The following SF3B3 variants were observed in gnomAD, a reference collection of about 807,000 sequenced individuals.
SF3B3 encodes the protein splicing factor 3b subunit 3.
Under a neutral mutation model 139.2 loss-of-function variants are expected in SF3B3, and 33 were observed. That is an observed-to-expected ratio of 0.24 (90% CI 0.18 to 0.32). The LOEUF (loss-of-function observed/expected upper bound fraction) is 0.32, where lower values mean the gene tolerates loss of function less well. Among genes scored for constraint, SF3B3 ranks in the 10% least tolerant of loss-of-function variants. SF3B3 has a pLI of 1.00. For synonymous variants in SF3B3, 596 were observed against 563.6 expected (o/e 1.06, Z -0.81); for missense variants, 818 against 1,509.4 (o/e 0.54, Z 7.59).
chr16:70,559,767 CCT>C (rs1491469849), intron 15 of SF3B3, among the ~76,000 whole-genome samples: 3 of 149,642 alleles, frequency 2.0e-5, no homozygotes, highest in East Asian at 2.0e-4. Flanking sequence ...GCTGAAAACT[CCT>C]TTTTTTTTTT....
chr16:70,544,778 C>T (rs1395804162), intron 10 of SF3B3, among the ~76,000 whole-genome samples: 1 of 152,160 alleles, frequency 6.6e-6, no homozygotes, highest in African/African-American at 2.4e-5. Context: ...GCAGCCTTGA[C>T]CTCTTGAGCT....
chr16:70,556,945 C>G lies in SF3B3; in HGVS notation c.1926C>G (p.Ile642Met), dbSNP rs146335844. The G allele has an allele frequency of 2.5e-6, 4 of 1,613,926 alleles. No individual in the cohort carries two copies. Among genetic ancestry groups the G allele is most frequent in the Non-Finnish European group, 3.4e-6 (4 of 1,179,994 alleles). The change falls in exon 15 of 26, where the codon ATC becomes ATG. Residue 642 changes from isoleucine to methionine, a missense_variant. By Grantham distance (10) the Ile-to-Met change is conservative (BLOSUM62 1). Transcript: ENST00000302516. ...CAGCCCAGCCTGAGTCCTTGTGTAT[C>G]GTGGAAATGGGTGGGACTGAGAAGC... ...ALPAQPESLC[I>M]VEMGGTEKQD...
At chr16:70,533,549 C>A (rs1039568157) in intron 5 of SF3B3, among the ~76,000 whole-genome samples, 1 of 152,006 alleles carries the variant, frequency 6.6e-6, no homozygotes, top group Non-Finnish European at 1.5e-5. Context: ...AGCTAAGTAA[C>A]GTTTTTGGAG....
Position 70,543,415 on chromosome 16 carries a change from G to GA in SF3B3, c.1234-1013dup, listed in dbSNP as rs1177572581. ...ACGAGCGAAACCCCGTCTCAAAAAA[G>GA]AAAAAAAAAAGGCCGGTCACGATGG... On this transcript the variant is annotated intron_variant, in intron 9 of 25. Transcript: ENST00000302516. Among the ~76,000 whole-genome samples the GA allele has an allele frequency of 1.2e-4, 13 of 104,750 alleles. No individual in the cohort carries two copies. The South Asian group carries it at 2.9e-3, about 24-fold the overall frequency. The allele number at this position is 104,750 out of a possible 152,430, so 68.7% of individuals were successfully genotyped here.
chr16:70,535,435 A>G lies in SF3B3; in HGVS notation c.825+15A>G. Reference sequence around the variant, plus strand: ...CCAGGAGGCGGGTAAGATCTTTGATATAAGAAGAGAGAGATTTGTGTTTAA... The same window carrying G: ...CCAGGAGGCGGGTAAGATCTTTGATGTAAGAAGAGAGAGATTTGTGTTTAA... On this transcript the variant is annotated intron_variant, in intron 6 of 25. Transcript: ENST00000302516. 2.2e-6 allele frequency: 3 copies of G among 1,388,334 alleles called. No homozygotes were observed. Among genetic ancestry groups the G allele is most frequent in the South Asian group, 2.4e-5 (2 of 84,208 alleles). 86.0% of individuals were successfully genotyped at this position (1,388,334 alleles called of 1,614,324 possible).
At chr16:70,569,974 C>T (rs886479857) in intron 23 of SF3B3, 32 bp from the exon 24 acceptor site, 1 of 1,613,074 alleles carries the variant, frequency 6.2e-7, no homozygotes, top group Non-Finnish European at 8.5e-7. Flanking sequence ...CCTGAGGGTG[C>T]ACACAGTCAC....
At chr16:70,563,610 A>G (rs1038074729) in intron 17 of SF3B3, 3 of 366,330 alleles carry the variant, frequency 8.2e-6, no homozygotes, top group African/African-American at 6.2e-5. Flanking sequence ...TTAAAAAAAA[A>G]CTTTTGACAA....
intron 8 of SF3B3, among the ~76,000 whole-genome samples, chr16:70,540,874 C>T (rs75620969): frequency 0.012 from 1,804 of 152,276 alleles, 44 homozygotes; most frequent in African/African-American, 0.041. Flanking sequence ...ATTGTTTCTA[C>T]CTTTCACTAT....
At chr16:70,548,767 G>A (rs1466403959) in intron 11 of SF3B3, among the ~76,000 whole-genome samples, 1 of 152,184 alleles carries the variant, frequency 6.6e-6, no homozygotes. Context: ...ATGATATGAG[G>A]GAAAGTTGTG....
chr16:70,561,341 C>T (rs146545175), intron 16 of SF3B3: 1 of 256,320 alleles, frequency 3.9e-6, no homozygotes, highest in Non-Finnish European at 7.3e-6. Flanking sequence ...TTAATTCTTG[C>T]AGCTGTCCAG....
intron 12 of SF3B3, 63 bp from the exon 13 acceptor site, chr16:70,554,988 A>G: frequency 6.7e-7 from 1 of 1,496,154 alleles, no homozygotes. Flanking sequence ...GATAGATGTG[A>G]GGGTCATTCT....
chr16:70,566,663 T>C (rs112864208), intron 20 of SF3B3, among the ~76,000 whole-genome samples: 3 of 152,192 alleles, frequency 2.0e-5, no homozygotes, highest in African/African-American at 4.8e-5. Context: ...TGACAGCATG[T>C]GGATTCCTTC....
chr16:70,549,460 A>G (rs1321304991), intron 11 of SF3B3, among the ~76,000 whole-genome samples: 2 of 152,188 alleles, frequency 1.3e-5, no homozygotes, highest in Non-Finnish European at 2.9e-5. Context: ...TATGTGTAGT[A>G]TCTACATAGA....
chr16:70,552,351 T>C (rs778852104), intron 11 of SF3B3, among the ~76,000 whole-genome samples: 1 of 152,202 alleles, frequency 6.6e-6, no homozygotes, highest in Non-Finnish European at 1.5e-5. Context: ...AACTGTTATT[T>C]TTACACAACA....
chr16:70,567,573 T>C (rs752290064), intron 21 of SF3B3, 37 bp downstream of exon 21: 1 of 1,600,816 alleles, frequency 6.2e-7, no homozygotes, highest in Non-Finnish European at 8.5e-7. Flanking sequence ...ATCTAGCTCA[T>C]GTGTCAAGGG....
intron 10 of SF3B3, among the ~76,000 whole-genome samples, chr16:70,547,176 A>T (rs1374776571): frequency 6.6e-6 from 1 of 152,172 alleles, no homozygotes; most frequent in African/African-American, 2.4e-5. Flanking sequence ...AGCATAGTTG[A>T]CAGTTGAATT....
chr16:70,567,869 T>C (rs1005317566), intron 21 of SF3B3, among the ~76,000 whole-genome samples: 1 of 152,164 alleles, frequency 6.6e-6, no homozygotes, highest in East Asian at 1.9e-4. Flanking sequence ...GTATCTTTAG[T>C]AGAGACAGGG....
intron 24 of SF3B3, 135 bp from the exon 25 acceptor site, chr16:70,570,957 GATT>G: frequency 1.4e-6 from 1 of 701,098 alleles, no homozygotes. Context: ...AAAAACCTGT[GATT>G]ATCAGAAAGT....
At chr16:70,571,619 A>G in intron 25 of SF3B3, 54 bp from the exon 26 acceptor site, 1 of 1,576,144 alleles carries the variant, frequency 6.3e-7, no homozygotes, top group Non-Finnish European at 8.6e-7. Context: ...AGCATGTGCC[A>G]TTTTCTTTGG....
Sources: gnomAD v4.1 joint callset for allele counts (sites outside exome capture counted in the v4.1 genomes callset) on GRCh38, gnomAD v4.1.1 for gene constraint, MANE v1.5 for transcripts, NCBI Gene and HGNC (gene_info 2026-07-23, HGNC 2026-07-21) for gene names.